Variants in SLFN5 observed in about 807,000 individuals in gnomAD.
The protein encoded by SLFN5 is schlafen family member 5.
Under a neutral mutation model 48.5 loss-of-function variants are expected in SLFN5, and 34 were observed. That is an observed-to-expected ratio of 0.70 (90% CI 0.53 to 0.93). The LOEUF is 0.93. Among genes scored for constraint, SLFN5 ranks in the 40% least tolerant of loss-of-function variants. The pLI is 0.00. For synonymous variants in SLFN5, 387 were observed against 396.2 expected (o/e 0.98, Z 0.28); for missense variants, 1,006 against 1,071.3 (o/e 0.94, Z 0.85).
intron 2 of SLFN5, 147 bp downstream of exon 2, chr17:35,259,849 G>A (rs1189856593): frequency 4.4e-6 from 4 of 918,544 alleles, no homozygotes; most frequent in East Asian, 2.6e-5. Flanking sequence ...ATTAATCCCT[G>A]TAGATGTAGT....
In SLFN5 at chr17:35,264,605, A is replaced by T; in HGVS notation, c.1561A>T (p.Met521Leu). ...LQIYPESYNF[M>L]TPQHMEALLQ... is the part of the protein sequence containing the mutation. ...AATTTACCCTGAATCCTATAACTTC[A>T]TGACCCCCCAGCACATGGAAGCCCT... Residue 521 changes from methionine to leucine, a missense_variant, in exon 4 of 5, where the codon ATG becomes TTG. Transcript: ENST00000299977. 6.2e-7 allele frequency: 1 copy of T among 1,614,184 alleles called. No homozygotes were observed. The highest frequency in any genetic ancestry group is 8.5e-7 in the Non-Finnish European group (1 of 1,180,032).
chr17:35,249,241 A>G (rs1396838696), intron 1 of SLFN5, among the ~76,000 whole-genome samples: 1 of 152,194 alleles, frequency 6.6e-6, no homozygotes, highest in African/African-American at 2.4e-5. Context: ...CACCAAGCAG[A>G]ACATTTTGAA....
Position 35,270,173 on chromosome 17 carries a change from A to G in SLFN5, c.*4285A>G, listed in dbSNP as rs1424686684. 1 of 152,138 alleles carries G rather than the reference A, an allele frequency of 6.6e-6. No homozygotes were observed. Among genetic ancestry groups the G allele is most frequent in the Non-Finnish European group, 1.5e-5 (1 of 68,018 alleles). The allele number at this position is 152,138 out of a possible 1,614,324, so 9.4% of individuals were successfully genotyped here. Reference sequence around the variant, plus strand: ...CTTATATTTTCTCTGATATATTTTTAAAAGCTTTCTGGAATATTATTAACC... The same window carrying G: ...CTTATATTTTCTCTGATATATTTTTGAAAGCTTTCTGGAATATTATTAACC... On this transcript the variant is annotated 3_prime_UTR_variant, in exon 5 of 5. Coordinates refer to ENST00000299977, the MANE Select transcript of SLFN5 (RefSeq NM_144975.4).
intron 1 of SLFN5, among the ~76,000 whole-genome samples, chr17:35,247,134 C>T (rs923447563): frequency 2.0e-5 from 3 of 152,130 alleles, no homozygotes. Flanking sequence ...AATTTTTGCT[C>T]CTGATTCCAA....
At chr17:35,263,177 C>T (rs1904570887) in intron 3 of SLFN5, among the ~76,000 whole-genome samples, 1 of 152,204 alleles carries the variant, frequency 6.6e-6, no homozygotes, top group East Asian at 1.9e-4. Flanking sequence ...GTTGTGCAGG[C>T]TGGAGTGCAG....
At position 35,267,061 on chromosome 17, in the gene SLFN5, T is replaced by C. The variant is rs534221808; in HGVS notation, c.*1173T>C. On this transcript the variant is annotated 3_prime_UTR_variant, in exon 5 of 5. Transcript: ENST00000299977. ...CTAGAATTGGTTTATTTCTGGCAGCTACTTACAATATTAAGAACTTTACTT... is the reference window on the plus strand; with the variant it reads ...CTAGAATTGGTTTATTTCTGGCAGCCACTTACAATATTAAGAACTTTACTT... 7 of 152,366 alleles carry C rather than the reference T, an allele frequency of 4.6e-5. No homozygotes were observed. In the South Asian group the frequency reaches 1.4e-3, roughly 32 times the overall value. 9.4% of individuals were successfully genotyped at this position (152,366 alleles called of 1,614,324 possible).
chr17:35,263,670 A>C (rs1306965588), intron 3 of SLFN5, among the ~76,000 whole-genome samples: 1 of 151,992 alleles, frequency 6.6e-6, no homozygotes, highest in Non-Finnish European at 1.5e-5. Context: ...TAAAAATACA[A>C]AAATTAGCCA....
In SLFN5 at chr17:35,255,762, C is replaced by T. The variant is rs147003840; in HGVS notation, c.-40-2889C>T. On this transcript the variant is annotated intron_variant, in intron 1 of 4. Coordinates refer to ENST00000299977, the MANE Select transcript of SLFN5 (RefSeq NM_144975.4). ...TTAAAAAAATATTAAAATAAACACACATGTATTCACTCCAGATTAAGAAAT... is the reference window on the plus strand; with the variant it reads ...TTAAAAAAATATTAAAATAAACACATATGTATTCACTCCAGATTAAGAAAT... Among the ~76,000 whole-genome samples, 1,216 of 152,262 alleles carry T rather than the reference C, an allele frequency of 8.0e-3. 13 individuals carry two copies. The highest frequency in any genetic ancestry group is 0.028 in the African/African-American group (1,159 of 41,566).
In SLFN5 at chr17:35,265,554, T is replaced by A; in HGVS notation, c.2342T>A (p.Leu781Ter). 2.5e-6 allele frequency: 4 copies of A among 1,614,244 alleles called. No homozygotes were observed. The highest frequency in any genetic ancestry group is 3.4e-6 in the Non-Finnish European group (4 of 1,180,054). ...IYVANKCRFL[L>*]RNGYSPKDIA... ...GTAGCGAATAAATGCCGTTTTCTCT[T>A]GCGGAATGGTTATTCTCCGAAGGAT... is the stretch of plus-strand genomic sequence containing the variant. The change falls in exon 5 of 5, where the codon TTG becomes TAG. Residue 781 changes from leucine to a stop codon, truncating the protein, a stop_gained. Transcript: ENST00000299977. LOFTEE classifies it low-confidence loss of function (END_TRUNC).
At chr17:35,244,795 T>C (rs1201999118) in intron 1 of SLFN5, among the ~76,000 whole-genome samples, 1 of 151,822 alleles carries the variant, frequency 6.6e-6, no homozygotes, top group Non-Finnish European at 1.5e-5. Flanking sequence ...ATGCAAAAAT[T>C]AGCTGGATGT....
chr17:35,258,786 C>A lies in SLFN5; in HGVS notation c.96C>A (p.Asp32Glu), dbSNP rs150936250. ...TLGTQQRQEM[D>E]PRLREKQNEI... Reference sequence around the variant, plus strand: ...GGACTCAGCAGAGGCAGGAGATGGACCCTCGCCTGCGGGAGAAACAGAATG... The same window carrying A: ...GGACTCAGCAGAGGCAGGAGATGGAACCTCGCCTGCGGGAGAAACAGAATG... Residue 32 changes from aspartate (D) to glutamate (E), a missense_variant, in exon 2 of 5, where the codon GAC (aspartate) becomes GAA (glutamate). Asp to Glu is a conservative substitution (Grantham distance 45). Coordinates refer to ENST00000299977, the MANE Select transcript of SLFN5 (RefSeq NM_144975.4). 85 of 1,614,046 alleles carry A rather than the reference C, an allele frequency of 5.3e-5. No homozygotes were observed. The African/African-American group carries it at 8.9e-4, about 17-fold the overall frequency.
chr17:35,250,759 C>G (rs769269480), intron 1 of SLFN5, among the ~76,000 whole-genome samples: 22 of 151,966 alleles, frequency 1.4e-4, no homozygotes, highest in Non-Finnish European at 2.6e-4. Flanking sequence ...GTTCAGAGAA[C>G]AAGGAAGCCT....
At chr17:35,245,564 T>C (rs564183282) in intron 1 of SLFN5, among the ~76,000 whole-genome samples, 1 of 152,352 alleles carries the variant, frequency 6.6e-6, no homozygotes, top group South Asian at 2.1e-4. Context: ...ATTATTGTTA[T>C]GGCAAATTGA....
At chr17:35,251,110 T>C (rs2092441272) in intron 1 of SLFN5, among the ~76,000 whole-genome samples, 1 of 152,230 alleles carries the variant, frequency 6.6e-6, no homozygotes, top group Admixed American at 6.5e-5. Flanking sequence ...AAATCAGTTC[T>C]TCAACAGCCT....
chr17:35,258,653 G>A lies in SLFN5; in HGVS notation c.-38G>A. 1 of 1,577,210 alleles carries A rather than the reference G, an allele frequency of 6.3e-7. No individual in the cohort carries two copies. Among genetic ancestry groups the A allele is most frequent in the Non-Finnish European group, 8.6e-7 (1 of 1,161,098 alleles). On this transcript the variant is annotated splice_region_variant and 5_prime_UTR_variant, in exon 2 of 5. Transcript: ENST00000299977. The stretch of plus-strand genomic sequence containing the variant: ...GGTTCTATCTTTCTGTTTTTCAGGA[G>A]AACATTTCAGGATAGGAATAGGCCA...
chr17:35,248,096 A>G (rs924319291), intron 1 of SLFN5, among the ~76,000 whole-genome samples: 1 of 151,958 alleles, frequency 6.6e-6, no homozygotes, highest in Non-Finnish European at 1.5e-5. Flanking sequence ...AAGTCTAAAT[A>G]CCCTCCTCAT....
rs1904720711 is a variant in SLFN5 at position 35,267,186 on chromosome 17, A to G, written c.*1298A>G. ...TATACTGCAAATCACTAGTAAGTAG[A>G]GACACATTTAAGATAAAATGATTAA... On this transcript the variant is annotated 3_prime_UTR_variant, in exon 5 of 5. Coordinates refer to ENST00000299977, the MANE Select transcript of SLFN5 (RefSeq NM_144975.4). 2 of 152,244 alleles carry G rather than the reference A, an allele frequency of 1.3e-5. No homozygotes were observed. Among genetic ancestry groups the G allele is most frequent in the Admixed American group, 6.5e-5 (1 of 15,284 alleles). 9.4% of individuals were successfully genotyped at this position (152,244 alleles called of 1,614,324 possible). A position where few individuals can be genotyped will look rare whatever the true frequency, so the allele number is the denominator to read the frequency against.
Position 35,264,549 on chromosome 17 carries a change from A to G in SLFN5, c.1505A>G (p.Lys502Arg), listed in dbSNP as rs1426993081. ...PLVCVLNSDRKAQSVYSSYLQ... is the reference protein window; with the variant it reads ...PLVCVLNSDRRAQSVYSSYLQ... ...GTCTGTGTGCTGAATTCTGATAGAA[A>G]AGCACAGAGCGTTTACAGTTCGTAT... The change falls in exon 4 of 5, where the codon AAA becomes AGA. Residue 502 changes from lysine (K) to arginine (R), a missense_variant. By Grantham distance (26) the Lys-to-Arg change is conservative. Coordinates refer to ENST00000299977, the MANE Select transcript of SLFN5 (RefSeq NM_144975.4). 2 of 1,614,180 alleles carry G rather than the reference A, an allele frequency of 1.2e-6. No individual in the cohort carries two copies. The highest frequency in any genetic ancestry group is 3.3e-5 in the Admixed American group (2 of 60,028).
chr17:35,266,159 T>C lies in SLFN5; in HGVS notation c.*271T>C, dbSNP rs1597656893. On this transcript the variant is annotated 3_prime_UTR_variant, in exon 5 of 5. Coordinates refer to ENST00000299977, the MANE Select transcript of SLFN5 (RefSeq NM_144975.4). ...ACTCAGAGATGTGTGTGTGTGTGTG[T>C]GTGTGTGTGTGTGTGTGTGCGCGCG... is the stretch of plus-strand genomic sequence containing the variant. 8 of 273,476 alleles carry C rather than the reference T, an allele frequency of 2.9e-5. No homozygotes were observed. In the South Asian group the frequency reaches 4.6e-4, roughly 16 times the overall value. 16.9% of individuals were successfully genotyped at this position (273,476 alleles called of 1,614,324 possible). A position where few individuals can be genotyped will look rare whatever the true frequency, so the allele number is the denominator to read the frequency against.
Sources: gnomAD v4.1 joint callset for allele counts (sites outside exome capture counted in the v4.1 genomes callset) on GRCh38, gnomAD v4.1.1 for gene constraint, MANE v1.5 for transcripts, NCBI Gene and HGNC (gene_info 2026-07-23, HGNC 2026-07-21) for gene names.